TBCE: variants seen among roughly 807,000 people sequenced by gnomAD.
TBCE encodes tubulin folding cofactor E.
In TBCE, 53 loss-of-function variants were observed where a neutral mutation model predicts 77.0. The observed-to-expected ratio is 0.69, with a 90% confidence interval of 0.55 to 0.87. The LOEUF is 0.87. Ranked by LOEUF, TBCE falls within the 40% of genes least tolerant of loss-of-function variation. TBCE has a pLI of 0.00. For synonymous variants in TBCE, 235 were observed against 241.3 expected, an observed-to-expected ratio of 0.97 and a Z score of 0.24; for missense variants, 624 against 622.4, an observed-to-expected ratio of 1.00 and a Z score of -0.03.
At chr1:235,379,682 C>T (rs1027051824) in intron 1 of TBCE, among the ~76,000 whole-genome samples, 1 of 152,102 alleles carries the variant, frequency 6.6e-6, no homozygotes, top group Non-Finnish European at 1.5e-5. Flanking sequence ...GGCGCGGTGG[C>T]TCACACCTGT....
At chr1:235,381,382 A>G (rs1677627379) in intron 2 of TBCE, among the ~76,000 whole-genome samples, 1 of 151,948 alleles carries the variant, frequency 6.6e-6, no homozygotes, top group Admixed American at 6.6e-5. Flanking sequence ...AAGACAAGTC[A>G]TGGTAAGACT....
chr1:235,384,292 C>T (rs1270185605), intron 2 of TBCE, among the ~76,000 whole-genome samples: 2 of 142,266 alleles, frequency 1.4e-5, no homozygotes, highest in Non-Finnish European at 3.1e-5. Flanking sequence ...TTGGTTGTGT[C>T]TCTGCCTGGC....
chr1:235,370,220 A>G (rs1292624221), intron 1 of TBCE, among the ~76,000 whole-genome samples: 5 of 150,134 alleles, frequency 3.3e-5, no homozygotes, highest in African/African-American at 9.8e-5. Flanking sequence ...TTATGAGGGC[A>G]GGTATTTTTC....
At chr1:235,382,418 G>T (rs1016391853) in intron 2 of TBCE, among the ~76,000 whole-genome samples, 23 of 151,752 alleles carry the variant, frequency 1.5e-4, no homozygotes, top group Non-Finnish European at 2.5e-4. Flanking sequence ...TGAACTAGTT[G>T]ACAGTCCCAC....
intron 2 of TBCE, among the ~76,000 whole-genome samples, chr1:235,398,721 C>T (rs1678899993): frequency 1.4e-5 from 2 of 146,876 alleles, no homozygotes; most frequent in Admixed American, 6.8e-5. Context: ...GCAGTCCTCC[C>T]ACCTCAGCCT....
chr1:235,424,322 CTTTTTTTTTT>C (rs1160280902), intron 5 of TBCE, among the ~76,000 whole-genome samples: 52 of 123,764 alleles, frequency 4.2e-4, no homozygotes, highest in African/African-American at 1.2e-3. Context: ...TCTTAGAGCT[CTTTTTTTTTT>C]TTTTTTTTTT....
At chr1:235,402,510 T>C (rs1679173500) in intron 3 of TBCE, among the ~76,000 whole-genome samples, 1 of 152,222 alleles carries the variant, frequency 6.6e-6, no homozygotes, top group African/African-American at 2.4e-5. Context: ...TTTCAATTTC[T>C]GAAAACGATC....
At chr1:235,392,323 C>T (rs1341965757) in intron 2 of TBCE, among the ~76,000 whole-genome samples, 1 of 151,866 alleles carries the variant, frequency 6.6e-6, no homozygotes, top group Admixed American at 6.6e-5. Context: ...CCACTGCACT[C>T]CAGGCTGGGT....
At chr1:235,380,893 C>G (rs530256094) in intron 2 of TBCE, among the ~76,000 whole-genome samples, 1 of 152,158 alleles carries the variant, frequency 6.6e-6, no homozygotes. Flanking sequence ...TCAAGCGATT[C>G]TCCTGCCTCA....
In TBCE at chr1:235,372,320, A is replaced by C. The variant is rs1677020769; in HGVS notation, c.-32+4816A>C. 2.0e-5 allele frequency among the ~76,000 whole-genome samples: 3 copies of C among 152,152 alleles called. No homozygotes were observed. In the South Asian group the frequency reaches 6.2e-4, roughly 32 times the overall value. On this transcript the variant is annotated intron_variant, in intron 1 of 16. Coordinates refer to ENST00000642610, the MANE Select transcript of TBCE (RefSeq NM_003193.5). ...TGATCCTCCTGCCTTGGCCTCCCAA[A>C]GTGTTGGGATTACAGGCGTGAGCCA... is the stretch of plus-strand genomic sequence containing the variant.
At chr1:235,403,444 A>AG (rs1376650079) in intron 3 of TBCE, among the ~76,000 whole-genome samples, 3 of 152,140 alleles carry the variant, frequency 2.0e-5, no homozygotes, top group African/African-American at 7.2e-5. Context: ...TCCTGACCTC[A>AG]GGCAGTCCAC....
At chr1:235,406,435 A>G (rs1342186094) in intron 3 of TBCE, among the ~76,000 whole-genome samples, 2 of 152,244 alleles carry the variant, frequency 1.3e-5, no homozygotes, top group African/African-American at 2.4e-5. Flanking sequence ...TAAGTGTAAC[A>G]TTTTATTTGG....
At chr1:235,395,260 G>A (rs901672293) in intron 2 of TBCE, among the ~76,000 whole-genome samples, 2 of 151,836 alleles carry the variant, frequency 1.3e-5, no homozygotes, top group African/African-American at 2.4e-5. Flanking sequence ...ATATTTATAG[G>A]GTACAAGAGA....
intron 1 of TBCE, among the ~76,000 whole-genome samples, chr1:235,371,821 C>G (rs1258248294): frequency 6.6e-6 from 1 of 152,044 alleles, no homozygotes; most frequent in Non-Finnish European, 1.5e-5. Flanking sequence ...TACAGGGACC[C>G]GCCAGCATAC....
chr1:235,378,879 A>C (rs1013756402), intron 1 of TBCE, among the ~76,000 whole-genome samples: 1 of 151,986 alleles, frequency 6.6e-6, no homozygotes, highest in South Asian at 2.1e-4. Context: ...AAAAAAAGAA[A>C]GTGAGTTTTA....
At chr1:235,413,662 CA>C (rs536953879) in intron 3 of TBCE, among the ~76,000 whole-genome samples, 92 of 124,572 alleles carry the variant, frequency 7.4e-4, no homozygotes, top group South Asian at 1.1e-3. Flanking sequence ...GATTCTGTCT[CA>C]AAAAAAAAAA....
chr1:235,413,340 GAC>G (rs968759835), intron 3 of TBCE, among the ~76,000 whole-genome samples: 1 of 150,292 alleles, frequency 6.7e-6, no homozygotes, highest in African/African-American at 2.5e-5. Flanking sequence ...TCACCGAGGT[GAC>G]AGAGTGAGAC....
chr1:235,391,015 G>A (rs1202644543), intron 2 of TBCE, among the ~76,000 whole-genome samples: 1 of 152,130 alleles, frequency 6.6e-6, no homozygotes, highest in African/African-American at 2.4e-5. Context: ...AGGGGCCACA[G>A]TATGGGCTGC....
At chr1:235,437,551 C>A in intron 12 of TBCE, 77 bp downstream of exon 12, 1 of 1,551,156 alleles carries the variant, frequency 6.4e-7, no homozygotes, top group East Asian at 2.3e-5. Flanking sequence ...GTGGCTCACA[C>A]CTGTAATCCC....
Sources: gnomAD v4.1 joint callset for allele counts (sites outside exome capture counted in the v4.1 genomes callset) on GRCh38, gnomAD v4.1.1 for gene constraint, MANE v1.5 for transcripts, NCBI Gene and HGNC (gene_info 2026-07-23, HGNC 2026-07-21) for gene names.